CADM2: variants seen among roughly 807,000 people sequenced by gnomAD.
The protein encoded by CADM2 is cell adhesion molecule 2.
A neutral mutation model predicts 49.8 loss-of-function variants in CADM2; 12 were observed. That is an observed-to-expected ratio of 0.24 (90% CI 0.15 to 0.39). The LOEUF (loss-of-function observed/expected upper bound fraction) is 0.39. Among genes scored for constraint, CADM2 ranks in the 10% least tolerant of loss-of-function variants. The probability of loss-of-function intolerance (pLI) is 1.00; values close to 1 mark genes in which losing one functional copy is unlikely to be tolerated. For synonymous variants in CADM2, 214 were observed against 175.4 expected (o/e 1.22, Z -1.74); for missense variants, 378 against 492.3 (o/e 0.77, Z 2.20).
chr3:85,397,129 C>T (rs557551930), intron 1 of CADM2, among the ~76,000 whole-genome samples: 1 of 152,070 alleles, frequency 6.6e-6, no homozygotes, highest in African/African-American at 2.4e-5. Context: ...AGAAGATAAA[C>T]AAGTGGCCAG....
At chr3:85,871,459 A>T (rs2108354139) in intron 3 of CADM2, among the ~76,000 whole-genome samples, 1 of 152,228 alleles carries the variant, frequency 6.6e-6, no homozygotes, top group Non-Finnish European at 1.5e-5. Context: ...TATTTAAGAG[A>T]TCTATAGGCT....
intron 1 of CADM2, among the ~76,000 whole-genome samples, chr3:85,201,593 T>A (rs1027275089): frequency 6.6e-6 from 1 of 152,206 alleles, no homozygotes; most frequent in Admixed American, 6.5e-5. Flanking sequence ...CAGTATGTGA[T>A]GATGTTTGAT....
rs1553743642 is a variant in CADM2, at chr3:85,568,514, T to TCTTTTTCTTTCTTTCTTTCTTTCCTC, written c.62-158007_62-158006insTTTTTCTTTCTTTCTTTCTTTCCTCC. ...TTCTTTCTTTCTTTCTTTCTTTCTT[T>TCTTTTTCTTTCTTTCTTTCTTTCCTC]CCTCCCTCCCTCCCTCTCTCTTTTC... On this transcript the variant is annotated intron_variant, in intron 1 of 9. Transcript: ENST00000383699. Among the ~76,000 whole-genome samples, 23 of 129,530 alleles carry TCTTTTTCTTTCTTTCTTTCTTTCCTC rather than the reference T, an allele frequency of 1.8e-4. 2 individuals carry two copies. Among genetic ancestry groups the TCTTTTTCTTTCTTTCTTTCTTTCCTC allele is most frequent in the African/African-American group, 9.0e-4 (23 of 25,524 alleles). 85.0% of individuals were successfully genotyped at this position (129,530 alleles called of 152,430 possible).
intron 1 of CADM2, among the ~76,000 whole-genome samples, chr3:85,003,437 GC>G (rs2033571736): frequency 6.6e-6 from 1 of 152,112 alleles, no homozygotes. Context: ...GTAACTGAAA[GC>G]ATTATATTAA....
rs1577628771 is a variant in CADM2, at chr3:85,907,904, C to G, written c.530-4469C>G. Among the ~76,000 whole-genome samples the G allele has an allele frequency of 2.0e-5, 3 of 147,998 alleles. No individual in the cohort carries two copies. The Admixed American group carries it at 2.0e-4, about 10-fold the overall frequency. ...CCAGCCTGGGTGACAGAATGAGACT[C>G]TGTCTCAAAAAAAAAAAAAAAGAAG... On this transcript the variant is annotated intron_variant, in intron 5 of 9. Transcript: ENST00000383699.
In CADM2 at chr3:85,716,810, G is replaced by A. The variant is rs562989283; in HGVS notation, c.62-9712G>A. Among the ~76,000 whole-genome samples, 3 of 152,180 alleles carry A rather than the reference G, an allele frequency of 2.0e-5. No individual in the cohort carries two copies. The South Asian group carries it at 6.2e-4, about 32-fold the overall frequency. ...TTTCAAAGATCAGATGGTTATAGAT[G>A]CATGGTGCAATTTCTGAGGCCTCTG... is the stretch of plus-strand genomic sequence containing the variant. On this transcript the variant is annotated intron_variant, in intron 1 of 9. Coordinates refer to ENST00000383699, the MANE Select transcript of CADM2 (RefSeq NM_001167675.2).
chr3:85,754,731 A>T (rs2107874637), intron 2 of CADM2, among the ~76,000 whole-genome samples: 1 of 152,340 alleles, frequency 6.6e-6, no homozygotes, highest in South Asian at 2.1e-4. Flanking sequence ...GCCATTACTG[A>T]TTATTTCAAA....
At chr3:85,426,557 G>A (rs2036416639) in intron 1 of CADM2, among the ~76,000 whole-genome samples, 1 of 152,074 alleles carries the variant, frequency 6.6e-6, no homozygotes, top group South Asian at 2.1e-4. Flanking sequence ...ATACAGGCAT[G>A]TAATAAAAAA....
intron 1 of CADM2, among the ~76,000 whole-genome samples, chr3:85,271,592 A>ATAATAACC (rs2106846299): frequency 6.6e-6 from 1 of 151,322 alleles, no homozygotes; most frequent in Admixed American, 6.6e-5. Flanking sequence ...GCAGAACCAG[A>ATAATAACC]ATAATAACCA....
intron 1 of CADM2, among the ~76,000 whole-genome samples, chr3:85,722,815 A>C (rs953824999): frequency 6.6e-6 from 1 of 152,304 alleles, no homozygotes; most frequent in South Asian, 2.1e-4. Flanking sequence ...CCCTACTAAT[A>C]GTCCCTGAAT....
chr3:85,784,335 A>C (rs2070838909), intron 2 of CADM2, among the ~76,000 whole-genome samples: 1 of 152,204 alleles, frequency 6.6e-6, no homozygotes, highest in South Asian at 2.1e-4. Flanking sequence ...AGGGATTGCT[A>C]TGAAGCAATA....
chr3:85,863,203 C>T (rs992726250), intron 3 of CADM2, among the ~76,000 whole-genome samples: 28 of 152,034 alleles, frequency 1.8e-4, no homozygotes, highest in Non-Finnish European at 8.8e-5. Context: ...AGAGTGAATT[C>T]TGTTTAACTC....
chr3:84,970,044 C>CT (rs33980527), intron 1 of CADM2, among the ~76,000 whole-genome samples: 19,102 of 103,528 alleles, frequency 0.18, 3,439 homozygotes, highest in African/African-American at 0.45. Context: ...GACTGACCTG[C>CT]TTTTTTTTTT....
At chr3:85,660,403 C>A (rs1213186513) in intron 1 of CADM2, among the ~76,000 whole-genome samples, 1 of 150,686 alleles carries the variant, frequency 6.6e-6, no homozygotes, top group Non-Finnish European at 1.5e-5. Context: ...CTTGCCATGT[C>A]CAGATCAAAG....
intron 1 of CADM2, among the ~76,000 whole-genome samples, chr3:84,970,205 T>C (rs776864318): frequency 6.6e-6 from 1 of 151,798 alleles, no homozygotes; most frequent in Non-Finnish European, 1.5e-5. Flanking sequence ...GTTAGTCTAT[T>C]TGTGTTTTTA....
chr3:85,323,407 CTT>C (rs1319268635), intron 1 of CADM2, among the ~76,000 whole-genome samples: 8 of 152,068 alleles, frequency 5.3e-5, no homozygotes, highest in African/African-American at 1.9e-4. Context: ...TGTCTGAACA[CTT>C]TTTTTGGTTT....
chr3:85,568,497 T>C (rs1452456962), intron 1 of CADM2, among the ~76,000 whole-genome samples: 1 of 65,610 alleles, frequency 1.5e-5, no homozygotes, highest in African/African-American at 3.7e-5. Context: ...CTTTCTTTCT[T>C]TCTTTCTTTC....
intron 1 of CADM2, among the ~76,000 whole-genome samples, chr3:85,205,441 T>G (rs1028273112): frequency 4.6e-5 from 7 of 152,172 alleles, no homozygotes; most frequent in African/African-American, 1.7e-4. Context: ...GTTATAAGTT[T>G]ATGTAATTCT....
chr3:85,035,131 G>C (rs2035159049), intron 1 of CADM2, among the ~76,000 whole-genome samples: 1 of 151,992 alleles, frequency 6.6e-6, no homozygotes, highest in Non-Finnish European at 1.5e-5. Flanking sequence ...AGGTAAAATG[G>C]TATCTCGCTG....
Sources: gnomAD v4.1 joint callset for allele counts (sites outside exome capture counted in the v4.1 genomes callset) on GRCh38, gnomAD v4.1.1 for gene constraint, MANE v1.5 for transcripts, NCBI Gene and HGNC (gene_info 2026-07-23, HGNC 2026-07-21) for gene names.